Variants in PIK3CA observed in about 807,000 individuals in gnomAD.
PIK3CA encodes the protein phosphatidylinositol-4,5-bisphosphate 3-kinase catalytic subunit alpha, also known as phosphatidylinositol 4,5-bisphosphate 3-kinase catalytic subunit alpha isoform.
In PIK3CA, 27 loss-of-function variants were observed where a neutral mutation model predicts 138.2. The ratio of observed to expected loss-of-function variants is 0.20; its 90% CI spans 0.14 to 0.27. The LOEUF (loss-of-function observed/expected upper bound fraction) is 0.27, where lower values mean the gene tolerates loss of function less well. PIK3CA is among the 10% of genes least tolerant of loss of function. The probability of loss-of-function intolerance (pLI) is 1.00; values close to 1 mark genes in which losing one functional copy is unlikely to be tolerated. For synonymous variants in PIK3CA, 358 were observed against 413.2 expected (o/e 0.87, Z 1.62); for missense variants, 544 against 1,277.4 (o/e 0.43, Z 8.75).
chr3:179,213,732 C>G (rs1267617107), intron 9 of PIK3CA, among the ~76,000 whole-genome samples: 1 of 152,208 alleles, frequency 6.6e-6, no homozygotes, highest in Non-Finnish European at 1.5e-5. Flanking sequence ...GAGAGTCAGC[C>G]TGAAGCTTTG....
chr3:179,234,415 T>A lies in PIK3CA; in HGVS notation c.*51T>A, dbSNP rs764402575. Reference sequence around the variant, plus strand: ...CACTCTGGATTCCACACTGCACTGTTAATAACTCTCAGCAGGCAAAGACCG... The same window carrying A: ...CACTCTGGATTCCACACTGCACTGTAAATAACTCTCAGCAGGCAAAGACCG... On this transcript the variant is annotated 3_prime_UTR_variant, in exon 21 of 21. Transcript: ENST00000263967. This position sits in a 1 kb window ranked among gnomAD's most constrained non-coding sequence, Gnocchi z 5.1. 1 of 1,492,264 alleles carries A rather than the reference T, an allele frequency of 6.7e-7. No individual in the cohort carries two copies. Among genetic ancestry groups the A allele is most frequent in the Admixed American group, 1.9e-5 (1 of 51,380 alleles). 92.4% of individuals were successfully genotyped at this position (1,492,264 alleles called of 1,614,324 possible).
At chr3:179,179,718 TACATATTTGGATAGGAAAA>T (rs1723792338) in intron 1 of PIK3CA, among the ~76,000 whole-genome samples, 5 of 152,160 alleles carry the variant, frequency 3.3e-5, no homozygotes, top group African/African-American at 1.2e-4. Context: ...CCTATCCAAA[TACATATTTGGATAGGAAAA>T]ACATCTTGTA....
At chr3:179,192,158 T>G (rs961925320) in intron 1 of PIK3CA, among the ~76,000 whole-genome samples, 12 of 152,200 alleles carry the variant, frequency 7.9e-5, no homozygotes, top group Admixed American at 1.3e-4. Flanking sequence ...TGCCACATTT[T>G]GAGATGAATA....
rs1307073082 is a variant in PIK3CA, at chr3:179,236,646, TTCTCCC to T, written c.*2283_*2288del. 4.4e-6 allele frequency: 1 copy of T among 227,052 alleles called. No individual in the cohort carries two copies. Among genetic ancestry groups the T allele is most frequent in the Non-Finnish European group, 8.9e-6 (1 of 112,892 alleles). 14.1% of individuals were successfully genotyped at this position (227,052 alleles called of 1,614,324 possible). A position where few individuals can be genotyped will look rare whatever the true frequency, so the allele number is the denominator to read the frequency against. ...CAGTCCAGATAGTTGTCTCCCCTCCTTCTCCCAGGACCTCTCCACCATTAAAATGCA... is the reference window on the plus strand; with the variant it reads ...CAGTCCAGATAGTTGTCTCCCCTCCTAGGACCTCTCCACCATTAAAATGCA... On this transcript the variant is annotated 3_prime_UTR_variant, in exon 21 of 21. Coordinates refer to ENST00000263967, the MANE Select transcript of PIK3CA (RefSeq NM_006218.4).
intron 1 of PIK3CA, among the ~76,000 whole-genome samples, chr3:179,165,875 C>A (rs1203352039): frequency 6.6e-6 from 1 of 152,122 alleles, no homozygotes; most frequent in Non-Finnish European, 1.5e-5. Flanking sequence ...GATCTTGGTA[C>A]ACTATCTTCA....
intron 1 of PIK3CA, among the ~76,000 whole-genome samples, chr3:179,195,392 G>T (rs1724241375): frequency 6.6e-6 from 1 of 152,040 alleles, no homozygotes; most frequent in Non-Finnish European, 1.5e-5. Context: ...CATTTATTAG[G>T]TGCTTGCTGT....
In PIK3CA at chr3:179,198,812, A is replaced by G; in HGVS notation, c.-14A>G. The G allele has an allele frequency of 6.9e-7, 1 of 1,451,882 alleles. No individual in the cohort carries two copies. Among genetic ancestry groups the G allele is most frequent in the African/African-American group, 1.4e-5 (1 of 70,398 alleles). The allele number at this position is 1,451,882 out of a possible 1,614,324, so 89.9% of individuals were successfully genotyped here. A position where few individuals can be genotyped will look rare whatever the true frequency, so the allele number is the denominator to read the frequency against. ...AAGTAGTTTTATATGTAAAACTTGCAAAGAATCAGAACAATGCCTCCACGA... is the reference window on the plus strand; with the variant it reads ...AAGTAGTTTTATATGTAAAACTTGCGAAGAATCAGAACAATGCCTCCACGA... On this transcript the variant is annotated 5_prime_UTR_variant, in exon 2 of 21. Coordinates refer to ENST00000263967, the MANE Select transcript of PIK3CA (RefSeq NM_006218.4).
intron 18 of PIK3CA, 23 bp from the exon 19 acceptor site, chr3:179,229,981 C>T (rs2108423882): frequency 6.7e-7 from 1 of 1,488,408 alleles, no homozygotes; most frequent in Non-Finnish European, 9.4e-7. Context: ...CCATACTACT[C>T]ATGAGGTGTT....
At chr3:179,151,017 C>A (rs765984501) in intron 1 of PIK3CA, among the ~76,000 whole-genome samples, 3 of 152,036 alleles carry the variant, frequency 2.0e-5, no homozygotes, top group Admixed American at 2.0e-4. Flanking sequence ...ATCTTGAATT[C>A]CAAGATAGGG....
chr3:179,153,543 A>T (rs1371402195), intron 1 of PIK3CA, among the ~76,000 whole-genome samples: 1 of 152,202 alleles, frequency 6.6e-6, no homozygotes, highest in African/African-American at 2.4e-5. Flanking sequence ...ACCTGTGTGT[A>T]TAAGGTGTAT....
Position 179,206,348 on chromosome 3 carries a change from C to T in PIK3CA, c.1145+1760C>T, listed in dbSNP as rs201471990. On this transcript the variant is annotated intron_variant, in intron 6 of 20. Coordinates refer to ENST00000263967, the MANE Select transcript of PIK3CA (RefSeq NM_006218.4). ...TGCTGGGATTACAGGCCTGAGCCAT[C>T]ATGCCCGGCCAGGATCTTTTTAAAT... Among the ~76,000 whole-genome samples the T allele has an allele frequency of 5.3e-5, 8 of 152,236 alleles. No homozygotes were observed. In the East Asian group the frequency reaches 1.4e-3, roughly 26 times the overall value.
At chr3:179,194,010 T>C (rs1227058739) in intron 1 of PIK3CA, among the ~76,000 whole-genome samples, 2 of 152,186 alleles carry the variant, frequency 1.3e-5, no homozygotes, top group Admixed American at 6.5e-5. Context: ...TTCTGTAGTC[T>C]AAAGGCCCTT....
rs910224129 is a variant in PIK3CA at position 179,230,173 on chromosome 3, C to T, written c.2784+52C>T. The T allele has an allele frequency of 3.2e-6, 5 of 1,559,132 alleles. No homozygotes were observed. Among genetic ancestry groups the T allele is most frequent in the African/African-American group, 2.7e-5 (2 of 73,668 alleles). On this transcript the variant is annotated intron_variant, in intron 19 of 20. Coordinates refer to ENST00000263967, the MANE Select transcript of PIK3CA (RefSeq NM_006218.4). This position sits in a 1 kb window ranked among gnomAD's most constrained non-coding sequence, Gnocchi z 5.4. Reference sequence around the variant, plus strand: ...TTTGGTGTTCTTAATTTATTCAAGACATTTTGTATCTGCATATATCAAACT... The same window carrying T: ...TTTGGTGTTCTTAATTTATTCAAGATATTTTGTATCTGCATATATCAAACT...
intron 1 of PIK3CA, among the ~76,000 whole-genome samples, chr3:179,174,998 G>A (rs1245084952): frequency 6.6e-6 from 1 of 152,120 alleles, no homozygotes; most frequent in Non-Finnish European, 1.5e-5. Context: ...CAGTATTTCT[G>A]ATTTAATCTT....
intron 6 of PIK3CA, among the ~76,000 whole-genome samples, chr3:179,207,219 G>T (rs1241408702): frequency 6.6e-6 from 1 of 152,104 alleles, no homozygotes; most frequent in East Asian, 1.9e-4. Context: ...TAAATTAGAT[G>T]CTTTATGATT....
intron 14 of PIK3CA, among the ~76,000 whole-genome samples, chr3:179,222,090 T>TA (rs2108414994): frequency 6.6e-6 from 1 of 151,750 alleles, no homozygotes; most frequent in Admixed American, 6.6e-5. Context: ...CACCACCTCT[T>TA]ACAATTAAAA....
At chr3:179,162,691 T>C (rs1002974653) in intron 1 of PIK3CA, among the ~76,000 whole-genome samples, 1 of 152,076 alleles carries the variant, frequency 6.6e-6, no homozygotes, top group Admixed American at 6.5e-5. Flanking sequence ...TTTAGAATAG[T>C]AACAGAAAAT....
At chr3:179,184,198 C>A (rs1723917427) in intron 1 of PIK3CA, among the ~76,000 whole-genome samples, 1 of 152,180 alleles carries the variant, frequency 6.6e-6, no homozygotes. Context: ...TGGTGGAGTC[C>A]ATTTACACCT....
chr3:179,228,339 A>G (rs1725131084), intron 17 of PIK3CA, among the ~76,000 whole-genome samples: 1 of 152,056 alleles, frequency 6.6e-6, no homozygotes, highest in South Asian at 2.1e-4. Flanking sequence ...GCAGGATACT[A>G]TAAAATCATG....
Sources: gnomAD v4.1 joint callset for allele counts (sites outside exome capture counted in the v4.1 genomes callset) on GRCh38, gnomAD v4.1.1 for gene constraint, Gnocchi (gnomAD v3.1) non-coding constraint, MANE v1.5 for transcripts, NCBI Gene and HGNC (gene_info 2026-07-23, HGNC 2026-07-21) for gene names.